GPC6: variants seen among roughly 807,000 people sequenced by gnomAD.
The protein encoded by GPC6 is glypican-6.
Under a neutral mutation model 55.2 loss-of-function variants are expected in GPC6, and 14 were observed. The ratio of observed to expected loss-of-function variants is 0.25; its 90% CI spans 0.17 to 0.40. GPC6 has a LOEUF of 0.40. GPC6 is among the 10% of genes least tolerant of loss of function. GPC6 has a pLI of 1.00. For synonymous variants in GPC6, 278 were observed against 259.6 expected, an observed-to-expected ratio of 1.07 and a Z score of -0.68; for missense variants, 641 against 708.5, an observed-to-expected ratio of 0.90 and a Z score of 1.08.
rs150581079 is a variant in GPC6, at chr13:93,658,148, A to G, written c.319+112727A>G. On this transcript the variant is annotated intron_variant, in intron 2 of 8. Coordinates refer to ENST00000377047, the MANE Select transcript of GPC6 (RefSeq NM_005708.5). ...AATATAATCACTTTTACATTATCCA[A>G]TCAAGATTTAGAATATTTCCATCAC... is the stretch of plus-strand genomic sequence containing the variant. 7.2e-4 allele frequency among the ~76,000 whole-genome samples: 110 copies of G among 152,124 alleles called. 1 individual carries two copies. Among genetic ancestry groups the G allele is most frequent in the African/African-American group, 2.5e-3 (103 of 41,558 alleles).
chr13:94,099,624 T>C (rs987556797), intron 4 of GPC6, among the ~76,000 whole-genome samples: 6 of 152,234 alleles, frequency 3.9e-5, no homozygotes, highest in Admixed American at 2.0e-4. Context: ...CTTTTATAAA[T>C]GCATTGACAC....
intron 2 of GPC6, among the ~76,000 whole-genome samples, chr13:93,782,622 C>T (rs922105574): frequency 2.0e-5 from 3 of 152,032 alleles, no homozygotes; most frequent in Non-Finnish European, 4.4e-5. Flanking sequence ...TAACAGTCAT[C>T]GTAACAAGTA....
chr13:93,299,779 T>C (rs1878611837), intron 1 of GPC6, among the ~76,000 whole-genome samples: 1 of 152,250 alleles, frequency 6.6e-6, no homozygotes, highest in Non-Finnish European at 1.5e-5. Context: ...TTTTTAAAGT[T>C]ATAAATTATA....
chr13:93,283,915 G>C (rs1370710400), intron 1 of GPC6, among the ~76,000 whole-genome samples: 1 of 152,138 alleles, frequency 6.6e-6, no homozygotes, highest in Non-Finnish European at 1.5e-5. Flanking sequence ...ACAGGTTACA[G>C]AAAGCCCACT....
chr13:93,487,472 T>A (rs1037396464), intron 1 of GPC6, among the ~76,000 whole-genome samples: 3 of 152,220 alleles, frequency 2.0e-5, no homozygotes, highest in Admixed American at 1.3e-4. Context: ...TTCTTAATAT[T>A]ATTGCTGTTA....
intron 3 of GPC6, among the ~76,000 whole-genome samples, chr13:93,907,350 A>G (rs945000419): frequency 7.2e-5 from 11 of 152,174 alleles, no homozygotes; most frequent in Admixed American, 2.0e-4. Context: ...TCCATTTTCA[A>G]TGGGATACAT....
intron 4 of GPC6, among the ~76,000 whole-genome samples, chr13:94,097,942 T>C (rs867579161): frequency 1.9e-4 from 29 of 152,076 alleles, no homozygotes; most frequent in African/African-American, 6.0e-4. Flanking sequence ...GCTCTGTAAA[T>C]AGAAAACCAC....
intron 2 of GPC6, among the ~76,000 whole-genome samples, chr13:93,751,226 A>C (rs1884576275): frequency 2.0e-5 from 3 of 152,170 alleles, no homozygotes; most frequent in Admixed American, 6.5e-5. Flanking sequence ...GCCTGTATGG[A>C]GTGGAGGCAG....
At chr13:94,139,160 C>T (rs78346411) in intron 4 of GPC6, among the ~76,000 whole-genome samples, 1,874 of 151,906 alleles carry the variant, frequency 0.012, 49 homozygotes, top group African/African-American at 0.043. Context: ...ATGAAGGACC[C>T]GCAAAACCTG....
At chr13:93,668,554 C>G (rs12431241) in intron 2 of GPC6, among the ~76,000 whole-genome samples, 1 of 151,974 alleles carries the variant, frequency 6.6e-6, no homozygotes, top group Non-Finnish European at 1.5e-5. Context: ...AGATGGGACC[C>G]AAATCCAATG....
At chr13:94,122,567 G>T (rs1207987453) in intron 4 of GPC6, among the ~76,000 whole-genome samples, 1 of 152,044 alleles carries the variant, frequency 6.6e-6, no homozygotes, top group African/African-American at 2.4e-5. Flanking sequence ...GGCAGTTTTG[G>T]CATGGGTAAG....
chr13:94,285,909 A>T (rs949361212), intron 4 of GPC6, among the ~76,000 whole-genome samples: 3 of 152,200 alleles, frequency 2.0e-5, no homozygotes, highest in Admixed American at 6.5e-5. Context: ...AATGCTTCAC[A>T]CAGGTAGATA....
intron 3 of GPC6, among the ~76,000 whole-genome samples, chr13:93,916,216 T>G (rs1877285960): frequency 6.6e-6 from 1 of 152,132 alleles, no homozygotes; most frequent in African/African-American, 2.4e-5. Context: ...GCTTCGGGCT[T>G]GTATCTCTGA....
chr13:93,733,588 A>T (rs1486744318), intron 2 of GPC6, among the ~76,000 whole-genome samples: 1 of 151,870 alleles, frequency 6.6e-6, no homozygotes, highest in Non-Finnish European at 1.5e-5. Flanking sequence ...TAAAAAAAAA[A>T]ATCTGAGAAG....
At chr13:93,865,356 A>G (rs894189187) in intron 3 of GPC6, among the ~76,000 whole-genome samples, 3 of 151,738 alleles carry the variant, frequency 2.0e-5, no homozygotes, top group East Asian at 2.0e-4. Context: ...CCAGGGTTCA[A>G]CTAATTTCCA....
intron 2 of GPC6, among the ~76,000 whole-genome samples, chr13:93,664,815 C>T (rs988157010): frequency 1.3e-5 from 2 of 152,268 alleles, no homozygotes; most frequent in East Asian, 3.9e-4. Flanking sequence ...TTTCTTTTTA[C>T]TTGGATTAGA....
chr13:94,053,184 A>G (rs1386023082), intron 4 of GPC6, among the ~76,000 whole-genome samples: 3 of 152,176 alleles, frequency 2.0e-5, no homozygotes, highest in Non-Finnish European at 4.4e-5. Context: ...GCCACTCAAT[A>G]TAGTTAAACT....
At chr13:93,233,852 C>G (rs918247001) in intron 1 of GPC6, among the ~76,000 whole-genome samples, 1 of 152,122 alleles carries the variant, frequency 6.6e-6, no homozygotes, top group Admixed American at 6.5e-5. Context: ...TAATGACTTA[C>G]ATAGACGGAA....
At chr13:93,793,233 A>G (rs982711934) in intron 2 of GPC6, among the ~76,000 whole-genome samples, 6 of 152,192 alleles carry the variant, frequency 3.9e-5, no homozygotes, top group South Asian at 2.1e-4. Context: ...AATGTTATGA[A>G]TGAATTCTAG....
Sources: gnomAD v4.1 joint callset for allele counts (sites outside exome capture counted in the v4.1 genomes callset) on GRCh38, gnomAD v4.1.1 for gene constraint, MANE v1.5 for transcripts, NCBI Gene and HGNC (gene_info 2026-07-23, HGNC 2026-07-21) for gene names.